The following SULF2 variants were observed in gnomAD, a reference collection of about 807,000 sequenced individuals.
The protein encoded by SULF2 is sulfatase 2, also known as extracellular sulfatase Sulf-2.
A neutral mutation model predicts 107.7 loss-of-function variants in SULF2; 52 were observed. That is an observed-to-expected ratio of 0.48 (90% CI 0.39 to 0.61). The LOEUF (loss-of-function observed/expected upper bound fraction) is 0.61. SULF2 is among the 20% of genes least tolerant of loss of function. The pLI is 0.00. For synonymous variants in SULF2, 460 were observed against 464.3 expected (o/e 0.99, Z 0.12); for missense variants, 993 against 1,177.3 (o/e 0.84, Z 2.29).
chr20:47,726,653 C>A (rs6066450), intron 3 of SULF2, among the ~76,000 whole-genome samples: 22,560 of 152,214 alleles, frequency 0.15, 1,887 homozygotes, highest in Non-Finnish European at 0.2. Flanking sequence ...TTGTAATTAA[C>A]GTAAAGTTAA....
chr20:47,695,982 AT>A (rs2059775482), intron 4 of SULF2, among the ~76,000 whole-genome samples: 1 of 152,126 alleles, frequency 6.6e-6, no homozygotes, highest in South Asian at 2.1e-4. Context: ...TCTTCTTTTG[AT>A]TGTTTCTTCA....
chr20:47,677,382 TA>T (rs2087679733), intron 8 of SULF2, among the ~76,000 whole-genome samples: 1 of 150,852 alleles, frequency 6.6e-6, no homozygotes, highest in African/African-American at 2.4e-5. Context: ...AAAATCACTG[TA>T]AGTCCCACCC....
intron 4 of SULF2, among the ~76,000 whole-genome samples, chr20:47,693,183 C>T (rs891044498): frequency 2.6e-5 from 4 of 152,074 alleles, no homozygotes; most frequent in Non-Finnish European, 4.4e-5. Flanking sequence ...AGTTTTGGAA[C>T]GTGATATAAA....
chr20:47,770,010 G>A (rs2090599216), intron 1 of SULF2, among the ~76,000 whole-genome samples: 1 of 151,888 alleles, frequency 6.6e-6, no homozygotes, highest in African/African-American at 2.4e-5. Flanking sequence ...CTGAGTGAAG[G>A]GGGCTGGGGG....
intron 2 of SULF2, among the ~76,000 whole-genome samples, chr20:47,739,589 C>T (rs997220414): frequency 1.3e-5 from 2 of 152,214 alleles, no homozygotes; most frequent in Non-Finnish European, 2.9e-5. Flanking sequence ...AACCACCTCC[C>T]GCAACCCATA....
intron 2 of SULF2, among the ~76,000 whole-genome samples, chr20:47,752,068 G>C (rs2090168850): frequency 6.6e-6 from 1 of 152,250 alleles, no homozygotes; most frequent in Non-Finnish European, 1.5e-5. Context: ...CACTGTGTCA[G>C]CTGGGAGGAG....
chr20:47,725,887 G>C (rs1030853305), intron 3 of SULF2, among the ~76,000 whole-genome samples: 13 of 152,226 alleles, frequency 8.5e-5, no homozygotes, highest in Non-Finnish European at 1.9e-4. Context: ...CGACACGGAT[G>C]GATTCCCAAA....
intron 3 of SULF2, among the ~76,000 whole-genome samples, chr20:47,704,015 G>A (rs566944843): frequency 1.3e-5 from 2 of 152,108 alleles, no homozygotes; most frequent in Non-Finnish European, 2.9e-5. Flanking sequence ...ACTGGGGGAG[G>A]GTGGCTGGGA....
chr20:47,776,654 C>CA (rs2090730925), intron 1 of SULF2, among the ~76,000 whole-genome samples: 1 of 152,174 alleles, frequency 6.6e-6, no homozygotes, highest in African/African-American at 2.4e-5. Context: ...AATGTCACAC[C>CA]ACTGACCTGG....
intron 5 of SULF2, chr20:47,685,287 G>GC (rs1482026677): frequency 6.6e-6 from 1 of 152,140 alleles, no homozygotes; most frequent in Admixed American, 6.5e-5. Flanking sequence ...GTGCAGGGGC[G>GC]CAATCTCAGC....
chr20:47,726,604 T>C (rs73913444), intron 3 of SULF2, among the ~76,000 whole-genome samples: 5,018 of 152,306 alleles, frequency 0.033, 262 homozygotes, highest in African/African-American at 0.1. Flanking sequence ...ACTGAATACC[T>C]GAACCATGGC....
At chr20:47,727,474 C>T (rs1050924715) in intron 3 of SULF2, among the ~76,000 whole-genome samples, 11 of 152,146 alleles carry the variant, frequency 7.2e-5, no homozygotes, top group Admixed American at 6.5e-5. Context: ...TTCTGGCTCC[C>T]GGAACTGTGA....
rs187200732 is a variant in SULF2 at position 47,658,308 on chromosome 20, C to T, written c.*54G>A. On this transcript the variant is annotated 3_prime_UTR_variant, in exon 21 of 21. Transcript: ENST00000688720. Reference sequence around the variant, plus strand: ...AAATCACCCACATGGTTTTTCATTGCCTGTGCAGTCAGGTGATGCCTCTAT... The same window carrying T: ...AAATCACCCACATGGTTTTTCATTGTCTGTGCAGTCAGGTGATGCCTCTAT... The T allele has an allele frequency of 9.9e-5, 158 of 1,594,652 alleles. 2 individuals carry two copies. The South Asian group carries it at 1.6e-3, about 16-fold the overall frequency.
At chr20:47,722,021 G>T (rs2089310191) in intron 3 of SULF2, among the ~76,000 whole-genome samples, 1 of 152,110 alleles carries the variant, frequency 6.6e-6, no homozygotes, top group Non-Finnish European at 1.5e-5. Flanking sequence ...ATGGACCTGT[G>T]GGGGCCATCT....
chr20:47,697,009 C>T (rs942391686), intron 4 of SULF2, among the ~76,000 whole-genome samples: 5 of 152,184 alleles, frequency 3.3e-5, no homozygotes, highest in Non-Finnish European at 4.4e-5. Context: ...GTACACGCTG[C>T]GGCAAGGGGC....
rs1382346240 is a variant in SULF2, at chr20:47,702,584, G to A, written c.502C>T (p.Arg168Cys). The stretch of plus-strand genomic sequence containing the variant: ...CGACACAGCGTGTAGTTATAAAAGC[G>A]GGAGTTTTTAAGGAGTCCGACCCAC... ...KEWVGLLKNS[R>C]FYNYTLCRNG... Residue 168 changes from arginine to cysteine, a missense_variant, in exon 4 of 21, where the codon CGC becomes TGC. Transcript: ENST00000688720. The A allele has an allele frequency of 6.2e-6, 10 of 1,613,506 alleles. No individual in the cohort carries two copies. The African/African-American group carries it at 6.7e-5, about 11-fold the overall frequency.
intron 4 of SULF2, among the ~76,000 whole-genome samples, chr20:47,693,837 G>T (rs563473027): frequency 5.3e-5 from 8 of 152,328 alleles, no homozygotes; most frequent in South Asian, 2.1e-4. Flanking sequence ...AAAGTGTGTG[G>T]GGGGTGATTA....
At chr20:47,689,353 C>T (rs2088120549) in intron 5 of SULF2, among the ~76,000 whole-genome samples, 1 of 152,186 alleles carries the variant, frequency 6.6e-6, no homozygotes, top group Admixed American at 6.5e-5. Context: ...GACACTGTGG[C>T]TTCCTTCTTG....
chr20:47,663,344 C>A (rs889869904), intron 16 of SULF2, 109 bp downstream of exon 16: 30 of 1,573,734 alleles, frequency 1.9e-5, no homozygotes, highest in Non-Finnish European at 2.4e-5. Flanking sequence ...GCACCGTGGA[C>A]CCCTGGTGTT....
Sources: allele counts gnomAD v4.1 joint callset (sites outside exome capture counted in the v4.1 genomes callset), GRCh38; gene constraint gnomAD v4.1.1; transcripts MANE v1.5; gene names NCBI Gene and HGNC (gene_info 2026-07-23, HGNC 2026-07-21).